FRMD1: variants seen among roughly 807,000 people sequenced by gnomAD.
FRMD1 encodes the protein FERM domain-containing protein 1.
Under a neutral mutation model 54.9 loss-of-function variants are expected in FRMD1, and 51 were observed. The observed-to-expected ratio is 0.93, with a 90% CI of 0.74 to 1.17. The LOEUF is 1.17. Among genes scored for constraint, FRMD1 ranks in the 50% most tolerant of loss-of-function variants. FRMD1 has a pLI of 0.00. For synonymous variants in FRMD1, 324 were observed against 306.4 expected (o/e 1.06, Z -0.60); for missense variants, 729 against 743.0 (o/e 0.98, Z 0.22).
At chr6:168,083,167 C>T (rs757209620), upstream of FRMD1, among the ~76,000 whole-genome samples, 1 of 152,234 alleles carries the variant, frequency 6.6e-6, no homozygotes, top group African/African-American at 2.4e-5. Flanking sequence ...CGAACACCCT[C>T]AGCCCAGTAA....
upstream of FRMD1, among the ~76,000 whole-genome samples, chr6:168,085,372 G>A (rs370962137): frequency 1.6e-3 from 249 of 152,332 alleles, no homozygotes; most frequent in Middle Eastern, 0.01. Context: ...CAGTGAGGCC[G>A]CCTGGAGGGA....
intron 2 of FRMD1, among the ~76,000 whole-genome samples, chr6:168,070,962 T>G (rs1297501102): frequency 2.6e-5 from 4 of 152,200 alleles, no homozygotes; most frequent in Admixed American, 2.6e-4. Context: ...AGAGTCATCC[T>G]CTCAGCTCGT....
chr6:168,067,527 T>C, intron 2 of FRMD1, 81 bp from the exon 3 acceptor site: 1 of 857,548 alleles, frequency 1.2e-6, no homozygotes, highest in South Asian at 1.6e-5. Flanking sequence ...TGAGTGTGGC[T>C]TGGAGAGAAG....
At chr6:168,057,667 T>C (rs1306273795) in intron 10 of FRMD1, 4 of 311,834 alleles carry the variant, frequency 1.3e-5, no homozygotes, top group Non-Finnish European at 2.4e-5. Context: ...CCTTGAACAC[T>C]AGCTCTGGAA....
At chr6:168,090,704 C>G (rs1268431058) in intron 1 of FRMD1, among the ~76,000 whole-genome samples, 1 of 152,244 alleles carries the variant, frequency 6.6e-6, no homozygotes, top group East Asian at 1.9e-4. Context: ...TTCCATCTCC[C>G]CACTGCTGAG....
rs1464494041 is a variant in FRMD1 at position 168,078,887 on chromosome 6, C to CA, written c.207_208insT (p.Val70CysfsTer35). 7 of 1,584,482 alleles carry CA rather than the reference C, an allele frequency of 4.4e-6. No individual in the cohort carries two copies. Among genetic ancestry groups the CA allele is most frequent in the Non-Finnish European group, 5.1e-6 (6 of 1,168,658 alleles). ...CCACCCAGGGCCCTGCTCACCCCCA[C>CA]GGCCAGCCGCAGTTGCTCCCGGCTG... On this transcript the variant is annotated frameshift_variant, in exon 1 of 11. Coordinates refer to ENST00000283309, the MANE Select transcript of FRMD1 (RefSeq NM_024919.6). LOFTEE classifies it high-confidence loss of function.
rs1222377827 is a variant in FRMD1 at position 168,075,289 on chromosome 6, G to T, written c.260C>A (p.Ala87Glu). 6.2e-7 allele frequency: 1 copy of T among 1,613,588 alleles called. No homozygotes were observed. The highest frequency in any genetic ancestry group is 2.2e-5 in the East Asian group (1 of 44,880). Residue 87 changes from alanine (A) to glutamate (E), a missense_variant, in exon 2 of 11, where the codon GCG becomes GAG. Ala to Glu is a moderately radical substitution (Grantham distance 107). Transcript: ENST00000283309. ...AAAGAACTGCGCGTCTCTGATGCTC[G>T]CCACGTTGCACACTTGCTGGAAAAG... ...RELFQQVCNV[A>E]SIRDAQFFGL...
chr6:168,077,923 G>T (rs1800668659), intron 1 of FRMD1, among the ~76,000 whole-genome samples: 1 of 152,172 alleles, frequency 6.6e-6, no homozygotes, highest in Non-Finnish European at 1.5e-5. Flanking sequence ...TGGGGACACA[G>T]AGTCTTGGGG....
chr6:168,082,939 T>A (rs773169008), upstream of FRMD1, among the ~76,000 whole-genome samples: 8 of 152,114 alleles, frequency 5.3e-5, no homozygotes, highest in Non-Finnish European at 1.0e-4. Context: ...AGGGTCCAGG[T>A]TGGGTGGCTT....
chr6:168,084,351 C>T (rs1800883987), upstream of FRMD1, among the ~76,000 whole-genome samples: 2 of 152,336 alleles, frequency 1.3e-5, no homozygotes, highest in African/African-American at 4.8e-5. Flanking sequence ...TTATGATGGA[C>T]AGTGTATTTG....
intron 1 of FRMD1, 32 bp from the exon 2 acceptor site, chr6:168,075,367 G>A: frequency 1.3e-6 from 2 of 1,584,870 alleles, no homozygotes; most frequent in South Asian, 2.2e-5. Flanking sequence ...GTTCAGGGAG[G>A]GGCCGGCACC....
intron 2 of FRMD1, among the ~76,000 whole-genome samples, chr6:168,070,193 A>G (rs1800228478): frequency 6.7e-6 from 1 of 149,668 alleles, no homozygotes; most frequent in South Asian, 2.2e-4. Flanking sequence ...GAGTGAGATG[A>G]AGGAAGGAAG....
At chr6:168,075,476 A>C in intron 1 of FRMD1, 141 bp from the exon 2 acceptor site, 1 of 709,620 alleles carries the variant, frequency 1.4e-6, no homozygotes, top group Non-Finnish European at 2.5e-6. Context: ...TGGGTCTCTC[A>C]CTCTCTCCCA....
In FRMD1 at chr6:168,067,217, C is replaced by T. The variant is rs976563320; in HGVS notation, c.384+150G>A. 1.1e-5 allele frequency: 7 copies of T among 638,514 alleles called. No homozygotes were observed. The Admixed American group carries it at 1.3e-4, about 12-fold the overall frequency. The allele number at this position is 638,514 out of a possible 1,614,324, so 39.6% of individuals were successfully genotyped here. A position where few individuals can be genotyped will look rare whatever the true frequency, so the allele number is the denominator to read the frequency against. The stretch of plus-strand genomic sequence containing the variant: ...ACCCCACGCATCCCACCACTGTCCA[C>T]CGTGGTGCCCTGCTCTCTCCCAACC... On this transcript the variant is annotated intron_variant, in intron 3 of 10. Transcript: ENST00000283309.
chr6:168,084,224 A>G (rs2115028836), upstream of FRMD1, among the ~76,000 whole-genome samples: 1 of 152,228 alleles, frequency 6.6e-6, no homozygotes, highest in Non-Finnish European at 1.5e-5. Flanking sequence ...GATTAGACGG[A>G]AGCCTGGGGC....
At chr6:168,062,039 GA>G in intron 7 of FRMD1, 58 bp from the exon 8 acceptor site, 2 of 1,520,562 alleles carry the variant, frequency 1.3e-6, no homozygotes, top group Non-Finnish European at 1.8e-6. Flanking sequence ...CTAGCCACAG[GA>G]AAGGATGATT....
At chr6:168,072,738 C>A (rs1039432076) in intron 2 of FRMD1, among the ~76,000 whole-genome samples, 1 of 151,796 alleles carries the variant, frequency 6.6e-6, no homozygotes, top group African/African-American at 2.4e-5. Context: ...AGACTTTAAG[C>A]CTTTAAGAAA....
chr6:168,058,818 T>C (rs1442655320), intron 10 of FRMD1, among the ~76,000 whole-genome samples: 1 of 152,038 alleles, frequency 6.6e-6, no homozygotes, highest in Non-Finnish European at 1.5e-5. Flanking sequence ...GGCCCAGGTG[T>C]CCGGGTCCTG....
chr6:168,089,032 G>A (rs1800971254), intron 1 of FRMD1, among the ~76,000 whole-genome samples: 1 of 152,244 alleles, frequency 6.6e-6, no homozygotes, highest in Non-Finnish European at 1.5e-5. Context: ...CTTAGGGGAA[G>A]GGTACAATTT....
Sources: allele counts gnomAD v4.1 joint callset (sites outside exome capture counted in the v4.1 genomes callset), GRCh38; gene constraint gnomAD v4.1.1; transcripts MANE v1.5; gene names NCBI Gene and HGNC (gene_info 2026-07-23, HGNC 2026-07-21).